Variants in TRAK1 observed in about 807,000 individuals in gnomAD.
TRAK1 encodes trafficking kinesin protein 1.
In TRAK1, 33 loss-of-function variants were observed where a neutral mutation model predicts 92.1. That is an observed-to-expected ratio of 0.36 (90% CI 0.27 to 0.48). The LOEUF is 0.48. Among genes scored for constraint, TRAK1 ranks in the 20% least tolerant of loss-of-function variants. The pLI is 0.99. For missense variants in TRAK1, 1,123 were observed against 1,257.9 expected (o/e 0.89, Z 1.62); for synonymous variants, 521 against 517.3 (o/e 1.01, Z -0.10).
chr3:42,189,008 TC>T lies in TRAK1; in HGVS notation c.582-3del. ...CTCCCTAGGTTGTGAGCGTACTTTC[TC>T]CCCCAGGTTGAAGAGGAATGAGTCG... On this transcript the variant is annotated splice_polypyrimidine_tract_variant and splice_region_variant and intron_variant, in intron 5 of 15. Transcript: ENST00000327628. 1 of 1,603,070 alleles carries T rather than the reference TC, an allele frequency of 6.2e-7. No individual in the cohort carries two copies. The highest frequency in any genetic ancestry group is 8.5e-7 in the Non-Finnish European group (1 of 1,170,024).
chr3:42,074,516 A>G (rs535867410), intron 1 of TRAK1, among the ~76,000 whole-genome samples: 1 of 152,320 alleles, frequency 6.6e-6, no homozygotes, highest in East Asian at 1.9e-4. Context: ...GATGAGAGAC[A>G]AGGTCTTGGA....
rs548271882 is a variant in TRAK1 at position 42,045,544 on chromosome 3, C to G, written c.-519+31427C>G. On this transcript the variant is annotated intron_variant, in intron 1 of 16. Coordinates refer to the TRAK1 transcript ENST00000487159. ...AGCAAGACTCAGCCTCAAAAAACCC[C>G]AAAAAACATAAACCCATTGTTCTCT... Among the ~76,000 whole-genome samples, 5 of 152,026 alleles carry G rather than the reference C, an allele frequency of 3.3e-5. No homozygotes were observed. In the East Asian group the frequency reaches 9.7e-4, roughly 29 times the overall value.
At chr3:42,168,166 ATAGTC>A (rs1417582860) in intron 2 of TRAK1, among the ~76,000 whole-genome samples, 16 of 152,336 alleles carry the variant, frequency 1.1e-4, no homozygotes, top group Admixed American at 9.8e-4. Flanking sequence ...TAATTTTAAA[ATAGTC>A]TAGTCTAAGT....
At chr3:42,149,924 T>C (rs1452164016) in intron 2 of TRAK1, among the ~76,000 whole-genome samples, 4 of 152,196 alleles carry the variant, frequency 2.6e-5, no homozygotes, top group African/African-American at 9.7e-5. Context: ...TGTTGATGCA[T>C]GAATGTGTGC....
intron 5 of TRAK1, 133 bp from the exon 6 acceptor site, chr3:42,188,883 C>A: frequency 1.5e-6 from 1 of 648,116 alleles, no homozygotes. Flanking sequence ...GGGGCGCTGT[C>A]TTCCTGGGGT....
At chr3:42,034,646 CTT>C (rs1702261435) in intron 1 of TRAK1, among the ~76,000 whole-genome samples, 1 of 152,176 alleles carries the variant, frequency 6.6e-6, no homozygotes, top group Admixed American at 6.5e-5. Context: ...CTGTTCTAGA[CTT>C]TCCGTGTCTT....
chr3:42,116,061 C>T (rs922270331), intron 1 of TRAK1, among the ~76,000 whole-genome samples: 1 of 152,242 alleles, frequency 6.6e-6, no homozygotes, highest in Non-Finnish European at 1.5e-5. Context: ...TTGCGTTGTT[C>T]AGCAAACATT....
Position 42,187,964 on chromosome 3 carries a change from G to A in TRAK1, c.481-81G>A, listed in dbSNP as rs1576884338. 3.5e-6 allele frequency: 4 copies of A among 1,144,422 alleles called. No homozygotes were observed. The East Asian group carries it at 9.4e-5, about 27-fold the overall frequency. 70.9% of individuals were successfully genotyped at this position (1,144,422 alleles called of 1,614,324 possible). A position where few individuals can be genotyped will look rare whatever the true frequency, so the allele number is the denominator to read the frequency against. On this transcript the variant is annotated intron_variant, in intron 4 of 15. Transcript: ENST00000327628. ...ATTTTCAGAAAAATATTGTCCCTAA[G>A]TGTTAAGTGTTGGAATGTGAGTCGG...
At position 42,202,877 on chromosome 3, in the gene TRAK1, G is replaced by A. The variant is rs551624927; in HGVS notation, c.1744+125G>A. ...CCTTTTTCTTCCGCGACAGCCACCCGCGCTGCTGGTTTGAGTTCCTCTGAG... is the reference window on the plus strand; with the variant it reads ...CCTTTTTCTTCCGCGACAGCCACCCACGCTGCTGGTTTGAGTTCCTCTGAG... On this transcript the variant is annotated intron_variant, in intron 13 of 15. Transcript: ENST00000327628. The surrounding 1 kb of genome is among the most constrained non-coding windows in gnomAD (Gnocchi z 6.1). The A allele has an allele frequency of 3.3e-5, 48 of 1,467,986 alleles. No individual in the cohort carries two copies. Among genetic ancestry groups the A allele is most frequent in the Non-Finnish European group, 3.9e-5 (43 of 1,107,748 alleles). 90.9% of individuals were successfully genotyped at this position (1,467,986 alleles called of 1,614,324 possible). A position where few individuals can be genotyped will look rare whatever the true frequency, so the allele number is the denominator to read the frequency against.
At chr3:42,042,747 A>T (rs1702598065) in intron 1 of TRAK1, among the ~76,000 whole-genome samples, 1 of 152,054 alleles carries the variant, frequency 6.6e-6, no homozygotes, top group South Asian at 2.1e-4. Flanking sequence ...TTTTTCAGTG[A>T]ACCCATGAAA....
At chr3:42,154,043 G>C (rs1700255309) in intron 2 of TRAK1, among the ~76,000 whole-genome samples, 1 of 152,226 alleles carries the variant, frequency 6.6e-6, no homozygotes, top group Non-Finnish European at 1.5e-5. Flanking sequence ...TAGTAAAATA[G>C]AGATAATGTC....
In TRAK1 at chr3:42,155,394, G is replaced by A. The variant is rs576228683; in HGVS notation, c.287-21420G>A. ...TATGCTCCGTTTTTAGAGCTTTTCC[G>A]GCATCTGCTGTTCTTCAGTTGCTTC... On this transcript the variant is annotated intron_variant, in intron 2 of 15. Transcript: ENST00000327628. 3.5e-4 allele frequency among the ~76,000 whole-genome samples: 53 copies of A among 152,196 alleles called. 1 individual carries two copies. The highest frequency in any genetic ancestry group is 1.3e-3 in the African/African-American group (52 of 41,526).
At chr3:42,025,943 A>G (rs576044876) in intron 1 of TRAK1, among the ~76,000 whole-genome samples, 3 of 151,796 alleles carry the variant, frequency 2.0e-5, no homozygotes, top group African/African-American at 7.3e-5. Flanking sequence ...ATGCATCACT[A>G]TTTTTTTCCC....
intron 2 of TRAK1, among the ~76,000 whole-genome samples, chr3:42,157,457 CAAAAAAAAA>C (rs60622565): frequency 4.2e-4 from 13 of 31,112 alleles, no homozygotes; most frequent in Admixed American, 7.5e-4. Flanking sequence ...GACCCTGTCT[CAAAAAAAAA>C]AAAAAAAAAA....
Position 42,202,966 on chromosome 3 carries a change from A to G in TRAK1, c.1744+214A>G. 7.4e-7 allele frequency: 1 copy of G among 1,353,172 alleles called. No individual in the cohort carries two copies. The highest frequency in any genetic ancestry group is 9.5e-7 in the Non-Finnish European group (1 of 1,051,586). The allele number at this position is 1,353,172 out of a possible 1,614,324, so 83.8% of individuals were successfully genotyped here. A position where few individuals can be genotyped will look rare whatever the true frequency, so the allele number is the denominator to read the frequency against. ...CTGGCAGGTGTGACAATGCACACAT[A>G]GGCCATGAAACTCGCCGAGGAAAGA... On this transcript the variant is annotated intron_variant, in intron 13 of 15. Transcript: ENST00000327628. The surrounding 1 kb of genome is among the most constrained non-coding windows in gnomAD (Gnocchi z 6.1).
At chr3:42,159,588 A>C (rs1246604608) in intron 2 of TRAK1, among the ~76,000 whole-genome samples, 3 of 152,174 alleles carry the variant, frequency 2.0e-5, no homozygotes, top group Non-Finnish European at 4.4e-5. Flanking sequence ...AGATCTTTAT[A>C]AATTTGGCTG....
At chr3:42,181,821 A>C (rs1448665887) in intron 3 of TRAK1, among the ~76,000 whole-genome samples, 2 of 152,176 alleles carry the variant, frequency 1.3e-5, no homozygotes, top group Non-Finnish European at 2.9e-5. Context: ...ACTAGGTGCT[A>C]ATTTTCAGTC....
At chr3:42,207,409 T>C (rs920141985) in intron 13 of TRAK1, among the ~76,000 whole-genome samples, 3 of 152,192 alleles carry the variant, frequency 2.0e-5, no homozygotes, top group African/African-American at 4.8e-5. Context: ...GGGACACTGA[T>C]GTCCTTCTTG....
chr3:42,031,254 G>A (rs1702135862), intron 1 of TRAK1, among the ~76,000 whole-genome samples: 2 of 151,574 alleles, frequency 1.3e-5, no homozygotes, highest in Admixed American at 1.3e-4. Context: ...GGCCAGGCTG[G>A]TCTCGAACGC....
Sources: gnomAD v4.1 joint callset for allele counts (sites outside exome capture counted in the v4.1 genomes callset) on GRCh38, gnomAD v4.1.1 for gene constraint, Gnocchi (gnomAD v3.1) non-coding constraint, MANE v1.5 for transcripts, NCBI Gene and HGNC (gene_info 2026-07-23, HGNC 2026-07-21) for gene names.